UBXN11: variants seen among roughly 807,000 people sequenced by gnomAD.
The protein encoded by UBXN11 is UBX domain-containing protein 11.
UBXN11 carries 47 observed loss-of-function variants against 62.8 expected under a neutral mutation model. That is an observed-to-expected ratio of 0.75 (90% CI 0.59 to 0.95). The LOEUF (loss-of-function observed/expected upper bound fraction) is 0.95. Ranked by LOEUF, UBXN11 falls within the 40% of genes least tolerant of loss-of-function variation. The pLI is 0.00. For missense variants in UBXN11, 638 were observed against 661.7 expected, an observed-to-expected ratio of 0.96 and a Z score of 0.39; for synonymous variants, 294 against 267.0, an observed-to-expected ratio of 1.10 and a Z score of -0.99.
chr1:26,284,075 G>C, intron 12 of UBXN11, 67 bp downstream of exon 12: 1 of 1,466,696 alleles, frequency 6.8e-7, no homozygotes, highest in Non-Finnish European at 9.2e-7. Flanking sequence ...CACTGTTCTG[G>C]CAGGCTGGAC....
chr1:26,296,534 A>G (rs2073396706), intron 7 of UBXN11, among the ~76,000 whole-genome samples: 3 of 152,242 alleles, frequency 2.0e-5, no homozygotes, highest in Non-Finnish European at 4.4e-5. Context: ...AAGCAGCTCC[A>G]TGAGGTCAAA....
Position 26,284,493 on chromosome 1 carries a change from A to G in UBXN11, c.853-11T>C. 1 of 1,586,218 alleles carries G rather than the reference A, an allele frequency of 6.3e-7. No homozygotes were observed. Among genetic ancestry groups the G allele is most frequent in the Non-Finnish European group, 8.6e-7 (1 of 1,161,680 alleles). ...GCGCAAGTCACTCACCTGGCAAGAAAGAAGGGCAACGACGGCAGCGGACCC... is the reference window on the plus strand; with the variant it reads ...GCGCAAGTCACTCACCTGGCAAGAAGGAAGGGCAACGACGGCAGCGGACCC... On this transcript the variant is annotated splice_polypyrimidine_tract_variant and intron_variant, in intron 10 of 14. Transcript: ENST00000374222.
chr1:26,285,352 TC>T (rs1215918815), intron 10 of UBXN11, 111 bp downstream of exon 10: 4 of 1,535,412 alleles, frequency 2.6e-6, no homozygotes, highest in Non-Finnish European at 3.5e-6. Flanking sequence ...CAGACTGGGG[TC>T]CCCCAGGGAG....
At chr1:26,295,588 T>A (rs112782548) in intron 7 of UBXN11, among the ~76,000 whole-genome samples, 5 of 152,272 alleles carry the variant, frequency 3.3e-5, no homozygotes, top group African/African-American at 1.2e-4. Context: ...CCAAGTTATG[T>A]GGCGGGAAGT....
intron 4 of UBXN11, among the ~76,000 whole-genome samples, chr1:26,300,024 C>T (rs767145026): frequency 2.6e-5 from 4 of 152,118 alleles, no homozygotes; most frequent in Non-Finnish European, 5.9e-5. Flanking sequence ...AGAAAGTTGA[C>T]CCCAGCCAGG....
At chr1:26,292,862 A>T (rs1338044471) in intron 8 of UBXN11, among the ~76,000 whole-genome samples, 3 of 152,026 alleles carry the variant, frequency 2.0e-5, no homozygotes, top group Non-Finnish European at 2.9e-5. Context: ...CTCAAAAAAA[A>T]AAAGAAAGCT....
chr1:26,294,218 C>T lies in UBXN11; in HGVS notation c.546G>A (p.Lys182=). Residue 182 remains lysine (K), a synonymous_variant, in exon 8 of 15, where the codon AAG becomes AAA. Coordinates refer to ENST00000374222, the MANE Select transcript of UBXN11 (RefSeq NM_001389556.1). ...HGERDWMTAK[K]FWKPGDSLAP... ...GCCCTGCTCTACCTGGCTTCCAGAA[C>T]TTCTTGGCTGTCATCCAGTCCCTCT... 6.2e-7 allele frequency: 1 copy of T among 1,614,138 alleles called. No individual in the cohort carries two copies. The highest frequency in any genetic ancestry group is 8.5e-7 in the Non-Finnish European group (1 of 1,179,972).
chr1:26,312,968 A>G (rs1039242094), intron 1 of UBXN11, among the ~76,000 whole-genome samples: 1 of 100,690 alleles, frequency 9.9e-6, no homozygotes, highest in Admixed American at 1.3e-4. Flanking sequence ...AACAAGAGCA[A>G]AACTCTGTCT....
intron 1 of UBXN11, 136 bp downstream of exon 1, chr1:26,306,446 TCGCCTCCTTC>T (rs1429054895): frequency 6.6e-6 from 1 of 152,142 alleles, no homozygotes; most frequent in African/African-American, 2.4e-5. Context: ...GGAGGCCGTG[TCGCCTCCTTC>T]CGCCTCCACG....
In UBXN11 at chr1:26,306,585, G is replaced by C. The variant is rs2073673822; in HGVS notation, c.-36+7C>G. The C allele has an allele frequency of 6.6e-6, 1 of 152,260 alleles. No homozygotes were observed. Among genetic ancestry groups the C allele is most frequent in the Admixed American group, 6.5e-5 (1 of 15,286 alleles). 9.4% of individuals were successfully genotyped at this position (152,260 alleles called of 1,614,324 possible). A position where few individuals can be genotyped will look rare whatever the true frequency, so the allele number is the denominator to read the frequency against. ...CCAGGGGCAGAAAGGTCTTAAGCCA[G>C]ACTCACCACGCAGGGCCGCTAGCCG... On this transcript the variant is annotated splice_region_variant and intron_variant, in intron 1 of 14. Transcript: ENST00000374222.
intron 8 of UBXN11, among the ~76,000 whole-genome samples, chr1:26,292,446 G>A (rs2073290611): frequency 6.6e-6 from 1 of 152,180 alleles, no homozygotes; most frequent in Non-Finnish European, 1.5e-5. Context: ...TTCAGCCCAG[G>A]AGGTTGAGGC....
upstream of UBXN11, among the ~76,000 whole-genome samples, chr1:26,309,474 A>G (rs367596469): frequency 1.8e-3 from 247 of 139,900 alleles, 1 homozygote; most frequent in African/African-American, 5.8e-3. Context: ...TCCTGACCTC[A>G]TGATCTACCC....
At chr1:26,305,512 A>G (rs987935388) in intron 1 of UBXN11, among the ~76,000 whole-genome samples, 4 of 151,660 alleles carry the variant, frequency 2.6e-5, no homozygotes, top group African/African-American at 7.3e-5. Context: ...CCCCTTTTCC[A>G]AGGCAGCCTT....
At chr1:26,284,729 A>ACCCCCCTCTCAGGAGCCTAC in intron 10 of UBXN11, 1 of 1,265,472 alleles carries the variant, frequency 7.9e-7, no homozygotes, top group Non-Finnish European at 1.0e-6. Flanking sequence ...CTCCTTGGAG[A>ACCCCCCTCTCAGGAGCCTAC]CCCCCCTCTC....
chr1:26,317,471 T>C (rs1216283242), intron 1 of UBXN11, among the ~76,000 whole-genome samples: 4 of 152,164 alleles, frequency 2.6e-5, no homozygotes, highest in African/African-American at 9.7e-5. Context: ...ATCTACAACC[T>C]TCCCTTGAAA....
At chr1:26,288,705 G>A (rs147223544) in intron 8 of UBXN11, among the ~76,000 whole-genome samples, 88 of 152,328 alleles carry the variant, frequency 5.8e-4, no homozygotes, top group African/African-American at 2.1e-3. Context: ...TCCTTTCTGT[G>A]CAATGGGGAG....
intron 8 of UBXN11, among the ~76,000 whole-genome samples, chr1:26,290,304 C>A (rs556125436): frequency 6.6e-6 from 1 of 152,184 alleles, no homozygotes; most frequent in Non-Finnish European, 1.5e-5. Context: ...CCCGTCAGCA[C>A]GACTGAGGAG....
chr1:26,299,348 C>T (rs769684173), intron 4 of UBXN11, among the ~76,000 whole-genome samples: 28 of 151,790 alleles, frequency 1.8e-4, no homozygotes, highest in South Asian at 8.3e-4. Flanking sequence ...CCTGTCTCTA[C>T]TAAAAATACA....
At position 26,297,418 on chromosome 1, in the gene UBXN11, GC is replaced by G; in HGVS notation, c.355+8del. On this transcript the variant is annotated splice_region_variant and intron_variant, in intron 6 of 14. Coordinates refer to ENST00000374222, the MANE Select transcript of UBXN11 (RefSeq NM_001389556.1). Reference sequence around the variant, plus strand: ...GGGGGCGCAGGTCAGCCCTCCAAGAGCCCCCTACCTGGGTGTGGCCGGAGGG... The same window carrying G: ...GGGGGCGCAGGTCAGCCCTCCAAGAGCCCCTACCTGGGTGTGGCCGGAGGG... The G allele has an allele frequency of 6.5e-7, 1 of 1,539,052 alleles. No individual in the cohort carries two copies. Among genetic ancestry groups the G allele is most frequent in the Non-Finnish European group, 8.8e-7 (1 of 1,142,248 alleles).
Sources: gnomAD v4.1 joint callset for allele counts (sites outside exome capture counted in the v4.1 genomes callset) on GRCh38, gnomAD v4.1.1 for gene constraint, MANE v1.5 for transcripts, NCBI Gene and HGNC (gene_info 2026-07-23, HGNC 2026-07-21) for gene names.